Variants in STAG2 observed in about 807,000 individuals in gnomAD.
STAG2 encodes the protein STAG2 cohesin complex component.
In STAG2, 14 loss-of-function variants were observed where a neutral mutation model predicts 108.1. The observed-to-expected ratio is 0.13, with a 90% CI of 0.09 to 0.20. The LOEUF (loss-of-function observed/expected upper bound fraction) is 0.20, where lower values mean the gene tolerates loss of function less well. Ranked by LOEUF, STAG2 falls within the 10% of genes least tolerant of loss-of-function variation. The pLI is 1.00. For synonymous variants in STAG2, 307 were observed against 302.7 expected, an observed-to-expected ratio of 1.01 and a Z score of -0.15; for missense variants, 440 against 940.9, an observed-to-expected ratio of 0.47 and a Z score of 6.96.
At chrX:124,054,765 T>G (rs2058145503) in intron 13 of STAG2, among the ~76,000 whole-genome samples, 2 of 111,156 alleles carry the variant, frequency 1.8e-5, no homozygotes, top group Admixed American at 1.9e-4. Context: ...TGATTCAGTG[T>G]TTTTTTTGTT....
chrX:124,097,002 G>C (rs760318055), intron 34 of STAG2, among the ~76,000 whole-genome samples: 1 of 110,557 alleles, frequency 9.0e-6, no homozygotes, highest in Admixed American at 9.7e-5. Flanking sequence ...AACACAGTGA[G>C]ACCCCATCTT....
chrX:124,014,798 C>T, intron 1 of STAG2, among the ~76,000 whole-genome samples: 1 of 110,045 alleles, frequency 9.1e-6, no homozygotes, highest in East Asian at 2.8e-4. Flanking sequence ...ATTCCTGTAC[C>T]AGAGCAGGGA....
rs894256598 is a variant in STAG2 at position 124,100,963 on chromosome X, G to A, written c.*366G>A. On this transcript the variant is annotated 3_prime_UTR_variant, in exon 35 of 35. Coordinates refer to ENST00000371145, the MANE Select transcript of STAG2 (RefSeq NM_001042750.2). ...ATTCTCTTACATTTATTTACTGGTTGTACTAAATAATGATGACCTCTGCTG... is the reference window on the plus strand; with the variant it reads ...ATTCTCTTACATTTATTTACTGGTTATACTAAATAATGATGACCTCTGCTG... The A allele has an allele frequency of 6.0e-5, 10 of 166,982 alleles. No homozygotes were observed. The highest frequency in any genetic ancestry group is 9.0e-5 in the Non-Finnish European group (8 of 89,025). 13.8% of individuals were successfully genotyped at this position (166,982 alleles called of 1,213,427 possible). A position where few individuals can be genotyped will look rare whatever the true frequency, so the allele number is the denominator to read the frequency against.
At chrX:123,975,311 T>C (rs1287104577) in intron 1 of STAG2, among the ~76,000 whole-genome samples, 1 of 112,133 alleles carries the variant, frequency 8.9e-6, no homozygotes, top group Admixed American at 9.5e-5. Flanking sequence ...TTTCCACCAC[T>C]CATTCAGTCC....
chrX:124,040,963 C>G (rs777149597), intron 6 of STAG2, among the ~76,000 whole-genome samples: 1 of 101,754 alleles, frequency 9.8e-6, no homozygotes, highest in Middle Eastern at 4.7e-3. Context: ...CAGATTCAAG[C>G]GTTTCTCCTA....
intron 1 of STAG2, among the ~76,000 whole-genome samples, chrX:124,000,541 T>C (rs970722081): frequency 9.1e-6 from 1 of 110,154 alleles, no homozygotes; most frequent in Admixed American, 9.7e-5. Flanking sequence ...CCAGACATGG[T>C]GGTGCATGCC....
At chrX:124,093,727 T>C (rs1349278400) in intron 32 of STAG2, among the ~76,000 whole-genome samples, 1 of 111,744 alleles carries the variant, frequency 8.9e-6, no homozygotes, top group Non-Finnish European at 1.9e-5. Flanking sequence ...TGAGGTATCT[T>C]GTATGTTCCC....
chrX:123,998,583 TATCC>T (rs1157658819), intron 1 of STAG2, among the ~76,000 whole-genome samples: 14 of 71,121 alleles, frequency 2.0e-4, no homozygotes, highest in South Asian at 8.6e-4. Context: ...TTTGTCTGTC[TATCC>T]ATCTATCTAT....
chrX:124,043,381 C>T (rs1475460694), intron 7 of STAG2, among the ~76,000 whole-genome samples: 1 of 110,893 alleles, frequency 9.0e-6, no homozygotes, highest in Non-Finnish European at 1.9e-5. Flanking sequence ...GAACTCATTA[C>T]CTCAAGTGAC....
chrX:123,967,576 T>G (rs1005006090), intron 1 of STAG2, among the ~76,000 whole-genome samples: 1 of 111,599 alleles, frequency 9.0e-6, no homozygotes, highest in African/African-American at 3.3e-5. Flanking sequence ...GGCCTATTCT[T>G]TTTTATTACA....
intron 6 of STAG2, among the ~76,000 whole-genome samples, 175 bp downstream of exon 6, chrX:124,037,798 A>G (rs773785637): frequency 3.5e-5 from 4 of 112,838 alleles, no homozygotes; most frequent in African/African-American, 1.3e-4. Flanking sequence ...GAGAAAGTCT[A>G]TTGACAAAGT....
At position 123,966,189 on chromosome X, in the gene STAG2, A is replaced by G. The variant is rs771051084; in HGVS notation, c.-163+4333A>G. ...CTATTTTAAAAGTTTTTGGCTGGGC[A>G]CCATGGCTCACGCCTGTAATCCTAG... On this transcript the variant is annotated intron_variant, in intron 1 of 34. Coordinates refer to ENST00000371145, the MANE Select transcript of STAG2 (RefSeq NM_001042750.2). Among the ~76,000 whole-genome samples the G allele has an allele frequency of 1.1e-4, 12 of 110,422 alleles. No homozygotes were observed. In the Admixed American group the frequency reaches 1.2e-3, roughly 11 times the overall value.
intron 25 of STAG2, among the ~76,000 whole-genome samples, chrX:124,074,302 T>A (rs2058747120): frequency 8.9e-6 from 1 of 112,845 alleles, no homozygotes; most frequent in African/African-American, 3.2e-5. Flanking sequence ...CTGAATATTA[T>A]ATGATACAAG....
At chrX:123,981,368 A>G (rs574285582) in intron 1 of STAG2, among the ~76,000 whole-genome samples, 23 of 109,694 alleles carry the variant, frequency 2.1e-4, no homozygotes, top group African/African-American at 7.0e-4. Flanking sequence ...CTTTCTTTAT[A>G]TTTGACTATT....
intron 5 of STAG2, among the ~76,000 whole-genome samples, chrX:124,035,178 GGTT>G (rs760419663): frequency 1.8e-5 from 2 of 111,193 alleles, no homozygotes; most frequent in Admixed American, 9.6e-5. Context: ...GTTTAAAACT[GGTT>G]GTTATGTTTT....
At chrX:124,035,354 C>G (rs185231855) in intron 5 of STAG2, among the ~76,000 whole-genome samples, 16 of 111,741 alleles carry the variant, frequency 1.4e-4, no homozygotes, top group Non-Finnish European at 3.0e-4. Flanking sequence ...AGTGTAAACT[C>G]TACTTGATCT....
At chrX:124,043,520 T>C (rs1173593529) in intron 7 of STAG2, among the ~76,000 whole-genome samples, 1 of 111,780 alleles carries the variant, frequency 8.9e-6, no homozygotes, top group African/African-American at 3.3e-5. Flanking sequence ...TTACGAAGAT[T>C]GAATTGAGTA....
rs181448442 is a variant in STAG2 at position 124,002,320 on chromosome X, T to A, written c.-162-19047T>A. ...TTTGCATTTTTTGTAATTTAGAATT[T>A]CATATAAGTAAAATCTTACAATAGT... On this transcript the variant is annotated intron_variant, in intron 1 of 34. Coordinates refer to ENST00000371145, the MANE Select transcript of STAG2 (RefSeq NM_001042750.2). Among the ~76,000 whole-genome samples the A allele has an allele frequency of 7.1e-5, 8 of 112,122 alleles. No homozygotes were observed. In the East Asian group the frequency reaches 2.0e-3, roughly 27 times the overall value.
At chrX:124,085,773 C>CAAA (rs35882500) in intron 29 of STAG2, among the ~76,000 whole-genome samples, 13 of 42,140 alleles carry the variant, frequency 3.1e-4, no homozygotes, top group African/African-American at 1.0e-3. Context: ...GACTGTGTCT[C>CAAA]AAAAAAAAAA....
Sources: gnomAD v4.1 joint callset for allele counts (sites outside exome capture counted in the v4.1 genomes callset) on GRCh38, gnomAD v4.1.1 for gene constraint, MANE v1.5 for transcripts, NCBI Gene and HGNC (gene_info 2026-07-23, HGNC 2026-07-21) for gene names.